Variants in PDZRN4 observed in about 807,000 individuals in gnomAD.
PDZRN4 encodes PDZ domain containing ring finger 4.
In PDZRN4, 70 loss-of-function variants were observed where a neutral mutation model predicts 99.0. The ratio of observed to expected loss-of-function variants is 0.71; its 90% CI spans 0.58 to 0.86. The LOEUF is 0.86. Among genes scored for constraint, PDZRN4 ranks in the 40% least tolerant of loss-of-function variants. PDZRN4 has a pLI of 0.00. For synonymous variants in PDZRN4, 551 were observed against 501.6 expected, an observed-to-expected ratio of 1.10 and a Z score of -1.32; for missense variants, 1,474 against 1,331.2, an observed-to-expected ratio of 1.11 and a Z score of -1.67.
At chr12:41,426,815 G>A (rs142303966) in intron 3 of PDZRN4, among the ~76,000 whole-genome samples, 2 of 152,288 alleles carry the variant, frequency 1.3e-5, no homozygotes, top group East Asian at 1.9e-4. Flanking sequence ...TACCTTACAT[G>A]TAGACTTAGA....
At chr12:41,272,803 C>T (rs1420349292) in intron 3 of PDZRN4, among the ~76,000 whole-genome samples, 1 of 151,906 alleles carries the variant, frequency 6.6e-6, no homozygotes, top group Non-Finnish European at 1.5e-5. Context: ...TGTTTTCTTT[C>T]CCCTTTGTGG....
chr12:41,487,912 T>C (rs982650187), intron 3 of PDZRN4, among the ~76,000 whole-genome samples: 1 of 152,210 alleles, frequency 6.6e-6, no homozygotes, highest in Non-Finnish European at 1.5e-5. Context: ...TTGACTTTTA[T>C]AGCCTTTTTG....
At chr12:41,192,038 C>T (rs998483020) in intron 2 of PDZRN4, among the ~76,000 whole-genome samples, 2 of 152,048 alleles carry the variant, frequency 1.3e-5, no homozygotes, top group Non-Finnish European at 2.9e-5. Flanking sequence ...CTCACGGTCT[C>T]CCAAAGTGCT....
chr12:41,332,187 T>G (rs1173592330), intron 3 of PDZRN4, among the ~76,000 whole-genome samples: 1 of 152,072 alleles, frequency 6.6e-6, no homozygotes, highest in Non-Finnish European at 1.5e-5. Context: ...GGAGGGAGCA[T>G]TAAGACGGCA....
intron 3 of PDZRN4, among the ~76,000 whole-genome samples, chr12:41,298,532 A>T (rs1951510253): frequency 6.6e-6 from 1 of 152,180 alleles, no homozygotes; most frequent in Admixed American, 6.6e-5. Flanking sequence ...ATGAATTTTT[A>T]AAAATGATAT....
intron 3 of PDZRN4, among the ~76,000 whole-genome samples, chr12:41,342,597 T>C (rs1175192899): frequency 1.3e-5 from 2 of 151,190 alleles, no homozygotes; most frequent in Admixed American, 1.3e-4. Context: ...GACCAACAGG[T>C]ATATGAAGAA....
At chr12:41,345,173 G>A (rs1050583898) in intron 3 of PDZRN4, among the ~76,000 whole-genome samples, 3 of 152,190 alleles carry the variant, frequency 2.0e-5, no homozygotes, top group Non-Finnish European at 4.4e-5. Context: ...CTCCCCAGCT[G>A]TCTTTACAGA....
intron 3 of PDZRN4, among the ~76,000 whole-genome samples, chr12:41,495,346 T>G (rs1236185473): frequency 6.6e-6 from 1 of 152,110 alleles, no homozygotes; most frequent in African/African-American, 2.4e-5. Context: ...CTTTATATAC[T>G]TAAAATTCAA....
intron 5 of PDZRN4, among the ~76,000 whole-genome samples, chr12:41,534,623 C>A (rs773206184): frequency 6.6e-6 from 1 of 152,062 alleles, no homozygotes. Flanking sequence ...CTAAAGTTTC[C>A]TTTAGTTACA....
At chr12:41,513,717 C>G (rs1938347343) in intron 5 of PDZRN4, among the ~76,000 whole-genome samples, 1 of 151,906 alleles carries the variant, frequency 6.6e-6, no homozygotes, top group Admixed American at 6.6e-5. Context: ...AATCCAACCT[C>G]TACTAGAAAT....
intron 3 of PDZRN4, among the ~76,000 whole-genome samples, chr12:41,346,222 G>A (rs996882872): frequency 2.0e-5 from 3 of 152,170 alleles, no homozygotes; most frequent in African/African-American, 7.2e-5. Flanking sequence ...CAGCACTTTG[G>A]GAGGCCGAGG....
At chr12:41,469,330 G>T (rs1009738499) in intron 3 of PDZRN4, among the ~76,000 whole-genome samples, 6 of 152,130 alleles carry the variant, frequency 3.9e-5, no homozygotes, top group Admixed American at 1.3e-4. Flanking sequence ...CCAAATGTGT[G>T]GAATCAAAGA....
In PDZRN4 at chr12:41,572,510, C is replaced by T. The variant is rs531938948; in HGVS notation, c.1731C>T (p.Pro577=). ...AGCAGGAGAATGCAGCCGAGGACCC[C>T]AATAGCACATCTTTGAAGAGCAAGA... is the stretch of plus-strand genomic sequence containing the variant. ...SSEQENAAED[P]NSTSLKSKRD... is the part of the protein sequence containing the mutation. Residue 577 remains proline, a synonymous_variant, in exon 10 of 10, where the codon CCC becomes CCT. Coordinates refer to ENST00000402685, the MANE Select transcript of PDZRN4 (RefSeq NM_001164595.2). 1.2e-6 allele frequency: 2 copies of T among 1,614,018 alleles called. No homozygotes were observed. The highest frequency in any genetic ancestry group is 1.7e-5 in the Admixed American group (1 of 60,004).
chr12:41,376,560 G>A (rs985137963), intron 3 of PDZRN4, among the ~76,000 whole-genome samples: 7 of 151,962 alleles, frequency 4.6e-5, no homozygotes, highest in African/African-American at 7.2e-5. Flanking sequence ...CCCTTTGCCT[G>A]TTTCTTTAAT....
In PDZRN4 at chr12:41,572,395, C is replaced by A. The variant is rs776524642; in HGVS notation, c.1616C>A (p.Thr539Lys). Residue 539 changes from threonine to lysine, a missense_variant, in exon 10 of 10, where the codon ACA becomes AAA. Coordinates refer to ENST00000402685, the MANE Select transcript of PDZRN4 (RefSeq NM_001164595.2). ...PKKQEEEEGT[T>K]DTATSSSNNH... ...AAGCAAGAAGAAGAAGAAGGCACAA[C>A]AGACACTGCAACATCCTCATCCAAC... The A allele has an allele frequency of 1.9e-6, 3 of 1,613,742 alleles. No homozygotes were observed. The highest frequency in any genetic ancestry group is 1.7e-5 in the Admixed American group (1 of 59,978).
chr12:41,506,153 G>A (rs934972727), intron 3 of PDZRN4, among the ~76,000 whole-genome samples: 3 of 151,254 alleles, frequency 2.0e-5, no homozygotes, highest in Middle Eastern at 3.2e-3. Context: ...TGAAGACTTC[G>A]GTGACCCTTT....
intron 3 of PDZRN4, among the ~76,000 whole-genome samples, chr12:41,434,096 GA>G (rs1952608079): frequency 6.6e-6 from 1 of 152,140 alleles, no homozygotes; most frequent in Non-Finnish European, 1.5e-5. Context: ...ATGTATATGT[GA>G]AAATATAGAG....
intron 3 of PDZRN4, among the ~76,000 whole-genome samples, chr12:41,400,151 T>C (rs1952279836): frequency 6.6e-6 from 1 of 152,182 alleles, no homozygotes; most frequent in African/African-American, 2.4e-5. Context: ...AATACATCTC[T>C]TTGTTTCTTT....
intron 5 of PDZRN4, among the ~76,000 whole-genome samples, chr12:41,528,160 A>G (rs1938601403): frequency 6.6e-6 from 1 of 152,028 alleles, no homozygotes; most frequent in South Asian, 2.1e-4. Context: ...TGTCTGAGGA[A>G]TAAGGAGCCG....
Sources: gnomAD v4.1 joint callset for allele counts (sites outside exome capture counted in the v4.1 genomes callset) on GRCh38, gnomAD v4.1.1 for gene constraint, MANE v1.5 for transcripts, NCBI Gene and HGNC (gene_info 2026-07-23, HGNC 2026-07-21) for gene names.